The following CRYBG1 variants were observed in gnomAD, a reference collection of about 807,000 sequenced individuals.
The protein encoded by CRYBG1 is beta/gamma crystallin domain-containing protein 1.
Under a neutral mutation model 189.2 loss-of-function variants are expected in CRYBG1, and 139 were observed. The ratio of observed to expected loss-of-function variants is 0.73; its 90% CI spans 0.64 to 0.85. CRYBG1 has a LOEUF of 0.85. Among genes scored for constraint, CRYBG1 ranks in the 40% least tolerant of loss-of-function variants. CRYBG1 has a pLI of 0.00. For synonymous variants in CRYBG1, 1,023 were observed against 1,017.1 expected (o/e 1.01, Z -0.11); for missense variants, 2,611 against 2,675.8 (o/e 0.98, Z 0.53).
Position 106,511,938 on chromosome 6 carries a change from G to C in CRYBG1, c.821G>C (p.Ser274Thr). The C allele has an allele frequency of 6.5e-7, 1 of 1,527,020 alleles. No homozygotes were observed. Among genetic ancestry groups the C allele is most frequent in the Non-Finnish European group, 8.8e-7 (1 of 1,141,280 alleles). 94.6% of individuals were successfully genotyped at this position (1,527,020 alleles called of 1,614,324 possible). The change falls in exon 3 of 22, where the codon AGT (serine) becomes ACT (threonine). Residue 274 changes from serine to threonine, a missense_variant. Coordinates refer to ENST00000633556, the MANE Select transcript of CRYBG1 (RefSeq NM_001371242.2). ...GAGAACGCAGAGACGCCCGCCCGCA[G>C]TCCGGGGGAGGACGCTTCACCAGGT... ...RQENAETPAR[S>T]PGEDASPGAG...
intron 1 of CRYBG1, among the ~76,000 whole-genome samples, chr6:106,418,327 A>G (rs1237254119): frequency 6.6e-6 from 1 of 152,236 alleles, no homozygotes; most frequent in Non-Finnish European, 1.5e-5. Context: ...GCAGGCAAAC[A>G]GGAACAGAAG....
chr6:106,417,676 A>T (rs954515002), intron 1 of CRYBG1, among the ~76,000 whole-genome samples: 1 of 152,188 alleles, frequency 6.6e-6, no homozygotes, highest in Non-Finnish European at 1.5e-5. Flanking sequence ...CATCCTGTCT[A>T]CTTGGCCTGC....
chr6:106,520,858 C>T lies in CRYBG1; in HGVS notation c.3650C>T (p.Pro1217Leu), dbSNP rs774587945. Reference protein sequence around the residue: ...TNGNSEPLVMPEINDKENRDV... With the variant: ...TNGNSEPLVMLEINDKENRDV... Reference sequence around the variant, plus strand: ...GGGAACAGTGAGCCTCTGGTGATGCCGGAAATCAATGACAAAGAGAACAGG... The same window carrying T: ...GGGAACAGTGAGCCTCTGGTGATGCTGGAAATCAATGACAAAGAGAACAGG... The change falls in exon 4 of 22, where the codon CCG becomes CTG. Residue 1217 changes from proline (P) to leucine (L), a missense_variant. Around this residue, in one of 3 missense-constraint regions of CRYBG1, gnomAD observed 1,622 missense variants for 1,735.0 expected, o/e 0.93. Transcript: ENST00000633556. 1.2e-5 allele frequency: 19 copies of T among 1,613,844 alleles called. No individual in the cohort carries two copies. The highest frequency in any genetic ancestry group is 8.0e-5 in the African/African-American group (6 of 74,836).
At position 106,520,906 on chromosome 6, in the gene CRYBG1, A is replaced by G; in HGVS notation, c.3698A>G (p.Lys1233Arg). The G allele has an allele frequency of 6.2e-7, 1 of 1,614,216 alleles. No individual in the cohort carries two copies. The highest frequency in any genetic ancestry group is 8.5e-7 in the Non-Finnish European group (1 of 1,180,032). Residue 1233 changes from lysine to arginine, a missense_variant, in exon 4 of 22, where the codon AAG (lysine) becomes AGG (arginine). Lys to Arg is a conservative substitution (Grantham distance 26). This residue lies in a region of CRYBG1 where 1,622 missense variants were observed against 1,735.0 expected (regional missense o/e 0.93). Coordinates refer to ENST00000633556, the MANE Select transcript of CRYBG1 (RefSeq NM_001371242.2). ...AGGGACGTCACAAATGGTGGCATTA[A>G]GAGATCGAGACTAGAAAAAAGTGCA... ...ENRDVTNGGI[K>R]RSRLEKSALF...
At chr6:106,429,008 G>T (rs1308004512) in intron 1 of CRYBG1, among the ~76,000 whole-genome samples, 2 of 152,160 alleles carry the variant, frequency 1.3e-5, no homozygotes, top group Non-Finnish European at 2.9e-5. Flanking sequence ...CTGTTCACTT[G>T]GTATTAGAAC....
intron 9 of CRYBG1, 128 bp from the exon 10 acceptor site, chr6:106,541,458 C>T (rs577473076): frequency 4.7e-5 from 43 of 905,920 alleles, no homozygotes; most frequent in South Asian, 2.1e-4. Context: ...AACTATCTCA[C>T]GTAAGTTAAA....
intron 8 of CRYBG1, among the ~76,000 whole-genome samples, chr6:106,536,102 C>G (rs1182521191): frequency 1.3e-5 from 2 of 152,216 alleles, no homozygotes; most frequent in African/African-American, 4.8e-5. Flanking sequence ...GGCCAGCTGT[C>G]TTAGAGAGTG....
chr6:106,523,760 C>T (rs559263454), intron 4 of CRYBG1, among the ~76,000 whole-genome samples: 1 of 148,760 alleles, frequency 6.7e-6, no homozygotes, highest in Non-Finnish European at 1.5e-5. Flanking sequence ...GTCAGAATCT[C>T]GCTCTGTCAC....
chr6:106,456,624 GT>G (rs1369302518), intron 2 of CRYBG1, among the ~76,000 whole-genome samples: 2 of 152,124 alleles, frequency 1.3e-5, no homozygotes, highest in Non-Finnish European at 2.9e-5. Flanking sequence ...TAATCCTTTT[GT>G]TTTCCATGTT....
At chr6:106,380,226 T>C (rs1328804891) in intron 1 of CRYBG1, among the ~76,000 whole-genome samples, 3 of 152,212 alleles carry the variant, frequency 2.0e-5, no homozygotes, top group Non-Finnish European at 4.4e-5. Flanking sequence ...TTCAGTAGCA[T>C]TGAACACAAT....
chr6:106,498,552 A>G (rs1256125342), intron 2 of CRYBG1, among the ~76,000 whole-genome samples: 1 of 152,214 alleles, frequency 6.6e-6, no homozygotes, highest in Non-Finnish European at 1.5e-5. Context: ...AACTGTAGCA[A>G]TTGTGGTATA....
At chr6:106,494,853 T>G (rs186426545) in intron 2 of CRYBG1, among the ~76,000 whole-genome samples, 1 of 152,264 alleles carries the variant, frequency 6.6e-6, no homozygotes. Context: ...TTTAAAAAAG[T>G]GTAAGTAAAT....
intron 20 of CRYBG1, among the ~76,000 whole-genome samples, chr6:106,562,913 A>G (rs1187839886): frequency 6.6e-6 from 1 of 152,038 alleles, no homozygotes; most frequent in Non-Finnish European, 1.5e-5. Context: ...TGTAGCTTCG[A>G]CCTCCTGGGC....
At chr6:106,473,151 C>T (rs979878511) in intron 2 of CRYBG1, among the ~76,000 whole-genome samples, 1 of 152,068 alleles carries the variant, frequency 6.6e-6, no homozygotes, top group Admixed American at 6.6e-5. Flanking sequence ...GCCAAGATGC[C>T]CTCTCCAATT....
intron 2 of CRYBG1, among the ~76,000 whole-genome samples, chr6:106,491,045 A>C (rs1435786410): frequency 6.6e-6 from 1 of 152,266 alleles, no homozygotes. Context: ...GTTTAAAAAC[A>C]AAACTACAGG....
chr6:106,553,444 CT>C lies in CRYBG1; in HGVS notation c.5473-6del. 1 of 1,576,842 alleles carries C rather than the reference CT, an allele frequency of 6.3e-7. No individual in the cohort carries two copies. Among genetic ancestry groups the C allele is most frequent in the Non-Finnish European group, 8.7e-7 (1 of 1,146,922 alleles). ...AAATAATTTTATGTGTTTCTGTTTA[CT>C]TTTTCAAAGATTCACTTGTTTTCAG... On this transcript the variant is annotated splice_polypyrimidine_tract_variant and intron_variant, in intron 15 of 21. Transcript: ENST00000633556.
At chr6:106,515,756 A>AATTTATTTATTTATTT (rs71726144) in intron 3 of CRYBG1, among the ~76,000 whole-genome samples, 2 of 141,250 alleles carry the variant, frequency 1.4e-5, no homozygotes, top group African/African-American at 2.6e-5. Flanking sequence ...GCAGAGATCA[A>AATTTATTTATTTATTT]ATTTATTTAT....
intron 1 of CRYBG1, among the ~76,000 whole-genome samples, chr6:106,428,184 C>A (rs545664342): frequency 6.6e-6 from 1 of 152,238 alleles, no homozygotes; most frequent in East Asian, 1.9e-4. Context: ...AGTAAGCTCC[C>A]TGATGGTATT....
rs1773272165 is a variant in CRYBG1 at position 106,511,961 on chromosome 6, G to GGT, written c.846_847dup (p.Ala283ValfsTer12). On this transcript the variant is annotated frameshift_variant, in exon 3 of 22. Transcript: ENST00000633556. LOFTEE classifies it high-confidence loss of function. Reference sequence around the variant, plus strand: ...CAGTCCGGGGGAGGACGCTTCACCAGGTGCTGGCCACGAACAGGAGGCTTT... The same window carrying GGT: ...CAGTCCGGGGGAGGACGCTTCACCAGGTGTGCTGGCCACGAACAGGAGGCTTT... 1 of 1,528,820 alleles carries GGT rather than the reference G, an allele frequency of 6.5e-7. No homozygotes were observed. The highest frequency in any genetic ancestry group is 2.5e-5 in the East Asian group (1 of 40,778). 94.7% of individuals were successfully genotyped at this position (1,528,820 alleles called of 1,614,324 possible).
Sources: gnomAD v4.1 joint callset for allele counts (sites outside exome capture counted in the v4.1 genomes callset) on GRCh38, gnomAD v4.1.1 for gene constraint, gnomAD v4.1.1 regional missense constraint, MANE v1.5 for transcripts, NCBI Gene and HGNC (gene_info 2026-07-23, HGNC 2026-07-21) for gene names.